IKZF2: variants seen among roughly 807,000 people sequenced by gnomAD.
The protein encoded by IKZF2 is IKAROS family zinc finger 2, also known as zinc finger protein Helios.
In IKZF2, 15 loss-of-function variants were observed where a neutral mutation model predicts 49.2. The ratio of observed to expected loss-of-function variants is 0.30; its 90% CI spans 0.20 to 0.47. The LOEUF (loss-of-function observed/expected upper bound fraction) is 0.47, where lower values mean the gene tolerates loss of function less well. IKZF2 is among the 20% of genes least tolerant of loss of function. The pLI, the probability that IKZF2 is intolerant of heterozygous loss-of-function variation, is 1.00. For synonymous variants in IKZF2, 227 were observed against 221.4 expected (o/e 1.03, Z -0.23); for missense variants, 567 against 664.6 (o/e 0.85, Z 1.61).
intron 8 of IKZF2, among the ~76,000 whole-genome samples, chr2:213,011,193 A>T (rs1695911769): frequency 1.3e-5 from 2 of 152,102 alleles, no homozygotes; most frequent in South Asian, 4.1e-4. Flanking sequence ...GAATAGAAAA[A>T]AAAAATCATT....
At chr2:213,148,460 T>G in intron 3 of IKZF2, 136 bp downstream of exon 3, 1 of 629,754 alleles carries the variant, frequency 1.6e-6, no homozygotes, top group Non-Finnish European at 2.8e-6. Context: ...TCAAACTCAT[T>G]CAAAGGTGAA....
chr2:213,029,306 T>C (rs1394317541), intron 6 of IKZF2, among the ~76,000 whole-genome samples: 7 of 152,056 alleles, frequency 4.6e-5, no homozygotes, highest in African/African-American at 4.8e-5. Context: ...TGGAGTTTTC[T>C]TTGTGGGAAG....
At chr2:213,076,154 G>A (rs574340008) in intron 4 of IKZF2, among the ~76,000 whole-genome samples, 20 of 151,516 alleles carry the variant, frequency 1.3e-4, no homozygotes, top group Admixed American at 5.9e-4. Flanking sequence ...AAAAGTGAAC[G>A]GAAGTAAACT....
At chr2:213,062,191 A>G (rs1574679034) in intron 4 of IKZF2, among the ~76,000 whole-genome samples, 1 of 151,642 alleles carries the variant, frequency 6.6e-6, no homozygotes, top group Non-Finnish European at 1.5e-5. Flanking sequence ...CAAGTTCTGG[A>G]AACACCATAC....
rs140407967 is a variant in IKZF2 at position 213,101,216 on chromosome 2, T to TA, written c.140-44118dup. Among the ~76,000 whole-genome samples the TA allele has an allele frequency of 1.2e-4, 19 of 152,040 alleles. No individual in the cohort carries two copies. The South Asian group carries it at 2.9e-3, about 23-fold the overall frequency. ...TACTTCATATCTTTCAAGCCTGCTTTAAAAAAAATCTCAGAAACCATAAAA... is the reference window on the plus strand; with the variant it reads ...TACTTCATATCTTTCAAGCCTGCTTTAAAAAAAAATCTCAGAAACCATAAAA... On this transcript the variant is annotated intron_variant, in intron 4 of 8. Coordinates refer to ENST00000434687, the MANE Select transcript of IKZF2 (RefSeq NM_001387220.1).
intron 4 of IKZF2, among the ~76,000 whole-genome samples, chr2:213,121,100 ATTC>A (rs1458739905): frequency 1.3e-5 from 2 of 152,216 alleles, no homozygotes; most frequent in African/African-American, 4.8e-5. Context: ...GAAAAAATGC[ATTC>A]TTCTTCTCTG....
chr2:213,099,515 C>T (rs1706407411), intron 4 of IKZF2, among the ~76,000 whole-genome samples: 1 of 152,110 alleles, frequency 6.6e-6, no homozygotes, highest in Non-Finnish European at 1.5e-5. Flanking sequence ...CATCTTACTC[C>T]CTATACCAAC....
chr2:213,022,637 T>C (rs1329992544), intron 6 of IKZF2, among the ~76,000 whole-genome samples: 1 of 152,132 alleles, frequency 6.6e-6, no homozygotes, highest in East Asian at 1.9e-4. Context: ...ACTCAAGTGG[T>C]GAGAAAAAGT....
At chr2:213,093,813 G>A (rs865827526) in intron 4 of IKZF2, among the ~76,000 whole-genome samples, 2 of 152,138 alleles carry the variant, frequency 1.3e-5, no homozygotes, top group African/African-American at 4.8e-5. Context: ...TTTGCACAAA[G>A]GTTTCCTAAG....
intron 4 of IKZF2, among the ~76,000 whole-genome samples, chr2:213,105,187 T>C (rs2059483271): frequency 6.6e-6 from 1 of 152,014 alleles, no homozygotes; most frequent in Admixed American, 6.6e-5. Flanking sequence ...CCCCTGACCC[T>C]CCCAAAAGGT....
intron 4 of IKZF2, among the ~76,000 whole-genome samples, chr2:213,128,970 CGTT>C (rs2060375452): frequency 6.6e-6 from 1 of 151,650 alleles, no homozygotes; most frequent in African/African-American, 2.4e-5. Context: ...GTTTTTTAAT[CGTT>C]GTTGTACTAC....
intron 6 of IKZF2, among the ~76,000 whole-genome samples, chr2:213,024,705 A>G (rs1214251525): frequency 1.3e-5 from 2 of 152,102 alleles, no homozygotes; most frequent in African/African-American, 2.4e-5. Context: ...TTCAAAGTCT[A>G]CATTCTGCCC....
At chr2:213,137,677 A>G (rs1216966152) in intron 4 of IKZF2, among the ~76,000 whole-genome samples, 5 of 152,264 alleles carry the variant, frequency 3.3e-5, no homozygotes, top group Non-Finnish European at 7.4e-5. Context: ...AAGTCTGATT[A>G]GAAGACCTAT....
chr2:213,085,957 G>A (rs1704537648), intron 4 of IKZF2, among the ~76,000 whole-genome samples: 1 of 152,118 alleles, frequency 6.6e-6, no homozygotes, highest in African/African-American at 2.4e-5. Context: ...AACTTGAGAA[G>A]GTGGTGATTA....
intron 4 of IKZF2, among the ~76,000 whole-genome samples, chr2:213,067,124 A>T (rs1702237499): frequency 6.6e-6 from 1 of 152,076 alleles, no homozygotes; most frequent in Non-Finnish European, 1.5e-5. Context: ...CAATTTTCTC[A>T]TCTATAAAAT....
At chr2:213,066,612 A>C (rs1379589229) in intron 4 of IKZF2, among the ~76,000 whole-genome samples, 1 of 152,088 alleles carries the variant, frequency 6.6e-6, no homozygotes, top group Non-Finnish European at 1.5e-5. Flanking sequence ...TGAGAAAGAG[A>C]AAACTTGTGG....
intron 4 of IKZF2, among the ~76,000 whole-genome samples, chr2:213,108,103 T>C (rs913971369): frequency 6.6e-6 from 1 of 152,136 alleles, no homozygotes; most frequent in Non-Finnish European, 1.5e-5. Context: ...GGCATTATCC[T>C]TTTCAGTGTT....
intron 4 of IKZF2, among the ~76,000 whole-genome samples, chr2:213,083,367 C>A (rs73077247): frequency 0.014 from 1,952 of 142,838 alleles, 35 homozygotes; most frequent in African/African-American, 0.045. Context: ...GCACTAGATT[C>A]TCATAGGACG....
intron 4 of IKZF2, among the ~76,000 whole-genome samples, chr2:213,063,561 T>C (rs780235677): frequency 6.6e-6 from 1 of 151,920 alleles, no homozygotes; most frequent in Non-Finnish European, 1.5e-5. Context: ...TTAATGATAA[T>C]AGTAATGATA....
Sources: gnomAD v4.1 joint callset for allele counts (sites outside exome capture counted in the v4.1 genomes callset) on GRCh38, gnomAD v4.1.1 for gene constraint, MANE v1.5 for transcripts, NCBI Gene and HGNC (gene_info 2026-07-23, HGNC 2026-07-21) for gene names.